Variants in ZC3H6 observed in about 807,000 individuals in gnomAD.
ZC3H6 encodes the protein zinc finger CCCH-type containing 6.
ZC3H6 carries 40 observed loss-of-function variants against 107.7 expected under a neutral mutation model. The observed-to-expected ratio is 0.37, with a 90% CI of 0.29 to 0.48. The LOEUF (loss-of-function observed/expected upper bound fraction) is 0.48. ZC3H6 is among the 20% of genes least tolerant of loss of function. The pLI, the probability that ZC3H6 is intolerant of heterozygous loss-of-function variation, is 0.98. For missense variants in ZC3H6, 1,267 were observed against 1,410.4 expected (o/e 0.90, Z 1.63); for synonymous variants, 493 against 487.9 (o/e 1.01, Z -0.14).
Position 112,311,728 on chromosome 2 carries a change from G to T in ZC3H6, c.614-76G>T, listed in dbSNP as rs148335349. 3.3e-3 allele frequency: 4,361 copies of T among 1,325,396 alleles called. 117 individuals carry two copies. The African/African-American group carries it at 0.057, about 17-fold the overall frequency. 82.1% of individuals were successfully genotyped at this position (1,325,396 alleles called of 1,614,324 possible). ...TGTATATTATAGACTATTAAAATGT[G>T]CTGTTCCTTATAAACTAATAAATTG... On this transcript the variant is annotated intron_variant, in intron 4 of 11. Transcript: ENST00000409871.
chr2:112,334,464 G>A lies in ZC3H6; in HGVS notation c.*1976G>A, dbSNP rs568893867. On this transcript the variant is annotated 3_prime_UTR_variant, in exon 12 of 12. Transcript: ENST00000409871. ...CAAAATAGAATCCAAACTCTTAACC[G>A]AATATCTTTTTTACAACTAAAAGAG... is the stretch of plus-strand genomic sequence containing the variant. The A allele has an allele frequency of 6.6e-5, 10 of 152,044 alleles. No homozygotes were observed. In the East Asian group the frequency reaches 1.2e-3, roughly 18 times the overall value. 9.4% of individuals were successfully genotyped at this position (152,044 alleles called of 1,614,324 possible). A position where few individuals can be genotyped will look rare whatever the true frequency, so the allele number is the denominator to read the frequency against.
At chr2:112,315,273 G>A (rs1676676783) in intron 5 of ZC3H6, among the ~76,000 whole-genome samples, 1 of 152,066 alleles carries the variant, frequency 6.6e-6, no homozygotes, top group Non-Finnish European at 1.5e-5. Context: ...AGCAGAAGTT[G>A]AATAGGGGAC....
At chr2:112,293,712 A>G (rs1485495899) in intron 1 of ZC3H6, among the ~76,000 whole-genome samples, 2 of 152,336 alleles carry the variant, frequency 1.3e-5, no homozygotes, top group Non-Finnish European at 2.9e-5. Flanking sequence ...AGAACTATAC[A>G]TGTGCTATTT....
At chr2:112,289,174 T>A (rs138600906) in intron 1 of ZC3H6, among the ~76,000 whole-genome samples, 48 of 151,548 alleles carry the variant, frequency 3.2e-4, no homozygotes, top group Non-Finnish European at 5.7e-4. Context: ...TCTGGCTAAT[T>A]TTTGTAGTTT....
Position 112,322,689 on chromosome 2 carries a change from G to C in ZC3H6, c.1127G>C (p.Arg376Thr), listed in dbSNP as rs1469505374. ...TDEELINEDE[R>T]ELEELRKRGI... ...GAAGAACTCATAAATGAAGATGAAA[G>C]AGAATTAGAGGAACTTAGAAAGCGT... The change falls in exon 9 of 12, where the codon AGA (arginine) becomes ACA (threonine). Residue 376 changes from arginine to threonine, a missense_variant. By Grantham distance (71) the Arg-to-Thr change is moderately conservative (BLOSUM62 -1). This residue lies in a region of ZC3H6 where 925 missense variants were observed against 1,025.7 expected (regional missense o/e 0.90). Coordinates refer to ENST00000409871, the MANE Select transcript of ZC3H6 (RefSeq NM_198581.3). 1.2e-6 allele frequency: 2 copies of C among 1,610,402 alleles called. No homozygotes were observed. The highest frequency in any genetic ancestry group is 1.7e-6 in the Non-Finnish European group (2 of 1,179,028).
At chr2:112,285,359 A>ATT (rs757580470) in intron 1 of ZC3H6, among the ~76,000 whole-genome samples, 4 of 144,744 alleles carry the variant, frequency 2.8e-5, no homozygotes, top group Non-Finnish European at 6.1e-5. Flanking sequence ...TACTGAGTAA[A>ATT]TTTTTTTTTT....
At chr2:112,330,106 G>A (rs900713366) in intron 11 of ZC3H6, among the ~76,000 whole-genome samples, 5 of 150,644 alleles carry the variant, frequency 3.3e-5, no homozygotes, top group South Asian at 4.2e-4. Context: ...AGGCTGGAGT[G>A]CAGTGGCTAG....
chr2:112,290,549 A>G (rs1352445283), intron 1 of ZC3H6, among the ~76,000 whole-genome samples: 2 of 152,232 alleles, frequency 1.3e-5, no homozygotes, highest in Non-Finnish European at 2.9e-5. Flanking sequence ...CCAAGATTAA[A>G]AACTTCATGA....
chr2:112,290,780 A>G (rs1289204620), intron 1 of ZC3H6, among the ~76,000 whole-genome samples: 3 of 152,246 alleles, frequency 2.0e-5, no homozygotes, highest in Admixed American at 6.5e-5. Context: ...GTGTACTTGC[A>G]CAGTAGTACT....
intron 11 of ZC3H6, among the ~76,000 whole-genome samples, chr2:112,329,290 T>C (rs1016320343): frequency 4.6e-5 from 7 of 152,182 alleles, no homozygotes; most frequent in Non-Finnish European, 7.3e-5. Flanking sequence ...ATTTTAAGTA[T>C]GCTTTATAAA....
chr2:112,279,571 A>G (rs1255583644), intron 1 of ZC3H6, among the ~76,000 whole-genome samples: 2 of 152,104 alleles, frequency 1.3e-5, no homozygotes, highest in Non-Finnish European at 2.9e-5. Context: ...CTTCCCTCGC[A>G]GCTTTCTGTC....
At chr2:112,280,537 C>T (rs1484701575) in intron 1 of ZC3H6, among the ~76,000 whole-genome samples, 1 of 152,064 alleles carries the variant, frequency 6.6e-6, no homozygotes, top group Admixed American at 6.6e-5. Context: ...CTGGACACAA[C>T]ATCATGAACT....
intron 1 of ZC3H6, among the ~76,000 whole-genome samples, chr2:112,288,883 A>G (rs1234523155): frequency 6.6e-6 from 1 of 152,142 alleles, no homozygotes; most frequent in Non-Finnish European, 1.5e-5. Flanking sequence ...CACCTACCTC[A>G]CTATATTCCA....
At position 112,338,153 on chromosome 2, in the gene ZC3H6, T is replaced by C. The variant is rs189394983; in HGVS notation, c.*5665T>C. ...TTGGTAGAGACACAGTTTCATCATGTTGGCCCGGCTGGTCTCAAACTCCTT... is the reference window on the plus strand; with the variant it reads ...TTGGTAGAGACACAGTTTCATCATGCTGGCCCGGCTGGTCTCAAACTCCTT... On this transcript the variant is annotated 3_prime_UTR_variant, in exon 12 of 12. Coordinates refer to ENST00000409871, the MANE Select transcript of ZC3H6 (RefSeq NM_198581.3). 56 of 152,246 alleles carry C rather than the reference T, an allele frequency of 3.7e-4. No individual in the cohort carries two copies. Among genetic ancestry groups the C allele is most frequent in the African/African-American group, 1.3e-3 (55 of 41,518 alleles). The allele number at this position is 152,246 out of a possible 1,614,324, so 9.4% of individuals were successfully genotyped here.
intron 1 of ZC3H6, among the ~76,000 whole-genome samples, chr2:112,280,698 G>A (rs1435316656): frequency 1.3e-5 from 2 of 152,052 alleles, no homozygotes; most frequent in African/African-American, 4.8e-5. Flanking sequence ...AGACCTGGAG[G>A]ATGAATAAAA....
At chr2:112,289,811 G>C (rs542133170) in intron 1 of ZC3H6, among the ~76,000 whole-genome samples, 1 of 152,330 alleles carries the variant, frequency 6.6e-6, no homozygotes, top group Admixed American at 6.5e-5. Flanking sequence ...CCCAATGACA[G>C]CTTACTCTAG....
At chr2:112,310,979 T>C (rs1676581795) in intron 4 of ZC3H6, among the ~76,000 whole-genome samples, 1 of 152,266 alleles carries the variant, frequency 6.6e-6, no homozygotes, top group Admixed American at 6.5e-5. Context: ...TTTCTACACA[T>C]ATGCTGTTGT....
chr2:112,288,583 CAG>C (rs1686654039), intron 1 of ZC3H6, among the ~76,000 whole-genome samples: 1 of 152,208 alleles, frequency 6.6e-6, no homozygotes, highest in Admixed American at 6.5e-5. Context: ...CTTTGGGAAG[CAG>C]AATTTGAACA....
At chr2:112,305,583 TA>T (rs1224029117) in intron 3 of ZC3H6, among the ~76,000 whole-genome samples, 1 of 152,250 alleles carries the variant, frequency 6.6e-6, no homozygotes, top group African/African-American at 2.4e-5. Context: ...GATGGTCTTT[TA>T]TATTTATCTA....
Sources: allele counts gnomAD v4.1 joint callset (sites outside exome capture counted in the v4.1 genomes callset), GRCh38; gene constraint gnomAD v4.1.1; regional missense constraint gnomAD v4.1.1; transcripts MANE v1.5; gene names NCBI Gene and HGNC (gene_info 2026-07-23, HGNC 2026-07-21).